Variants in ARL6 observed in about 807,000 individuals in gnomAD.
ARL6 encodes ARF like GTPase 6.
In ARL6, 18 loss-of-function variants were observed where a neutral mutation model predicts 27.1. That is an observed-to-expected ratio of 0.66 (90% CI 0.46 to 0.98). ARL6 has a LOEUF of 0.98. Among genes scored for constraint, ARL6 ranks in the 50% least tolerant of loss-of-function variants. The pLI, the probability that ARL6 is intolerant of heterozygous loss-of-function variation, is 0.00. For missense variants in ARL6, 187 were observed against 214.9 expected (o/e 0.87, Z 0.81); for synonymous variants, 65 against 72.3 (o/e 0.90, Z 0.51).
At chr3:97,789,044 G>A (rs2037598379) in intron 6 of ARL6, among the ~76,000 whole-genome samples, 1 of 152,118 alleles carries the variant, frequency 6.6e-6, no homozygotes, top group South Asian at 2.1e-4. Flanking sequence ...GAAGCAAGGA[G>A]GTCATAGAGT....
chr3:97,798,115 C>T lies in ARL6; in HGVS notation c.*66C>T. 1 of 1,507,518 alleles carries T rather than the reference C, an allele frequency of 6.6e-7. No homozygotes were observed. The highest frequency in any genetic ancestry group is 1.1e-5 in the South Asian group (1 of 87,182). The allele number at this position is 1,507,518 out of a possible 1,614,324, so 93.4% of individuals were successfully genotyped here. A position where few individuals can be genotyped will look rare whatever the true frequency, so the allele number is the denominator to read the frequency against. On this transcript the variant is annotated 3_prime_UTR_variant, in exon 8 of 8. Coordinates refer to ENST00000463745, the MANE Select transcript of ARL6 (RefSeq NM_001278293.3). ...GAATCTATCTAAGACAAATAGAATA[C>T]ATTTTGTAAAAGATGTTTATGCATC...
chr3:97,779,156 C>T (rs1465326286), intron 2 of ARL6, among the ~76,000 whole-genome samples: 1 of 152,188 alleles, frequency 6.6e-6, no homozygotes, highest in Non-Finnish European at 1.5e-5. Flanking sequence ...CCTACCATTG[C>T]CTTCAAGCCC....
intron 5 of ARL6, among the ~76,000 whole-genome samples, chr3:97,785,401 ATTAT>A (rs1293345557): frequency 1.3e-5 from 2 of 150,598 alleles, no homozygotes; most frequent in African/African-American, 4.9e-5. Context: ...ACCCATTAAA[ATTAT>A]TTGTTACCAT....
chr3:97,775,527 T>A (rs1043039292), intron 2 of ARL6, among the ~76,000 whole-genome samples: 2 of 152,072 alleles, frequency 1.3e-5, no homozygotes, highest in Non-Finnish European at 2.9e-5. Context: ...CCACCCAGAT[T>A]AAGGTGATTG....
At chr3:97,792,785 T>C (rs185699669) in intron 7 of ARL6, among the ~76,000 whole-genome samples, 1 of 152,294 alleles carries the variant, frequency 6.6e-6, no homozygotes, top group Admixed American at 6.5e-5. Context: ...TAGGTTCTTA[T>C]TGCAGGATCC....
At chr3:97,783,212 G>T (rs911262128) in intron 4 of ARL6, among the ~76,000 whole-genome samples, 1 of 151,408 alleles carries the variant, frequency 6.6e-6, no homozygotes, top group Non-Finnish European at 1.5e-5. Context: ...ATTCACCATT[G>T]TCAATCTTTT....
intron 7 of ARL6, among the ~76,000 whole-genome samples, chr3:97,793,208 G>A (rs1042446067): frequency 6.6e-6 from 1 of 152,146 alleles, no homozygotes; most frequent in African/African-American, 2.4e-5. Flanking sequence ...CCATTAAACT[G>A]CAAGGAACAT....
At chr3:97,776,316 T>C (rs1235833356) in intron 2 of ARL6, among the ~76,000 whole-genome samples, 1 of 152,230 alleles carries the variant, frequency 6.6e-6, no homozygotes, top group African/African-American at 2.4e-5. Flanking sequence ...TTTCAGCCTG[T>C]GTGTATCTTC....
In ARL6 at chr3:97,795,911, G is replaced by C. The variant is rs532405612; in HGVS notation, c.536-2113G>C. ...CTGAATATTATAACTCTCTTCTACT[G>C]CTCCTATTTCTCCCAGAAAACAATG... On this transcript the variant is annotated intron_variant, in intron 7 of 7. Coordinates refer to ENST00000463745, the MANE Select transcript of ARL6 (RefSeq NM_001278293.3). Among the ~76,000 whole-genome samples the C allele has an allele frequency of 6.6e-5, 10 of 152,260 alleles. No homozygotes were observed. The East Asian group carries it at 1.7e-3, about 26-fold the overall frequency.
intron 2 of ARL6, among the ~76,000 whole-genome samples, chr3:97,772,406 C>T (rs1320450673): frequency 1.3e-5 from 2 of 150,622 alleles, no homozygotes; most frequent in Admixed American, 6.6e-5. Context: ...TTTGGATCCT[C>T]TTTTTTTTTC....
intron 2 of ARL6, among the ~76,000 whole-genome samples, chr3:97,776,792 G>T (rs1030097733): frequency 2.0e-5 from 3 of 152,076 alleles, no homozygotes; most frequent in African/African-American, 7.2e-5. Flanking sequence ...GAGTAGCTGG[G>T]ATTACAGGCA....
At chr3:97,767,516 A>C (rs1293801111) in intron 1 of ARL6, among the ~76,000 whole-genome samples, 1 of 137,882 alleles carries the variant, frequency 7.3e-6, no homozygotes, top group Non-Finnish European at 1.6e-5. Context: ...CTTAAACTGG[A>C]AATAACCAAG....
intron 1 of ARL6, chr3:97,765,921 C>T (rs2036357084): frequency 6.6e-6 from 1 of 152,156 alleles, no homozygotes; most frequent in Non-Finnish European, 1.5e-5. Context: ...CTACTTGAAA[C>T]GTAGAAGTTT....
At chr3:97,765,234 G>GTT (rs1374248961) in intron 1 of ARL6, among the ~76,000 whole-genome samples, 1 of 151,766 alleles carries the variant, frequency 6.6e-6, no homozygotes, top group Non-Finnish European at 1.5e-5. Context: ...GTGTGTGTGT[G>GTT]TGTGTGTGTG....
At chr3:97,772,695 C>T (rs2036699107) in intron 2 of ARL6, among the ~76,000 whole-genome samples, 1 of 143,198 alleles carries the variant, frequency 7.0e-6, no homozygotes, top group Admixed American at 7.1e-5. Flanking sequence ...GATCTCGGCT[C>T]ACTACAACCT....
At chr3:97,784,877 A>T in intron 4 of ARL6, 78 bp from the exon 5 acceptor site, 2 of 981,922 alleles carry the variant, frequency 2.0e-6, no homozygotes, top group Non-Finnish European at 3.2e-6. Flanking sequence ...TACTTAGGTT[A>T]GGAAATGCCC....
chr3:97,780,584 T>C (rs1210605039), intron 3 of ARL6, 31 bp from the exon 4 acceptor site: 2 of 1,563,436 alleles, frequency 1.3e-6, no homozygotes, highest in East Asian at 4.5e-5. Flanking sequence ...CTTTAGTTTA[T>C]AATGTAGTCA....
chr3:97,790,378 T>C (rs1222487049), intron 6 of ARL6, among the ~76,000 whole-genome samples: 1 of 151,980 alleles, frequency 6.6e-6, no homozygotes, highest in Non-Finnish European at 1.5e-5. Context: ...TCCAGATTGG[T>C]TAGAGCAGAG....
chr3:97,791,579 G>A (rs563021174), intron 6 of ARL6, among the ~76,000 whole-genome samples, 192 bp from the exon 7 acceptor site: 2 of 152,288 alleles, frequency 1.3e-5, no homozygotes, highest in East Asian at 1.9e-4. Flanking sequence ...TTTATAAATT[G>A]TAAACATATC....
Sources: gnomAD v4.1 joint callset for allele counts (sites outside exome capture counted in the v4.1 genomes callset) on GRCh38, gnomAD v4.1.1 for gene constraint, MANE v1.5 for transcripts, NCBI Gene and HGNC (gene_info 2026-07-23, HGNC 2026-07-21) for gene names.